NAA60: variants seen among roughly 807,000 people sequenced by gnomAD.
NAA60 encodes the protein N-alpha-acetyltransferase 60, NatF catalytic subunit.
A neutral mutation model predicts 26.1 loss-of-function variants in NAA60; 8 were observed. That is an observed-to-expected ratio of 0.31 (90% CI 0.18 to 0.55). NAA60 has a LOEUF of 0.55. NAA60 is among the 20% of genes least tolerant of loss of function. The pLI, the probability that NAA60 is intolerant of heterozygous loss-of-function variation, is 0.93. For synonymous variants in NAA60, 131 were observed against 122.5 expected (o/e 1.07, Z -0.46); for missense variants, 290 against 311.3 (o/e 0.93, Z 0.51).
At chr16:3,448,405 C>A in intron 1 of NAA60, 66 bp from the exon 2 acceptor site, 1 of 1,349,486 alleles carries the variant, frequency 7.4e-7, no homozygotes, top group Non-Finnish European at 1.0e-6. Context: ...CACTCATTAG[C>A]CTATGAGTTG....
chr16:3,454,546 T>C (rs2034901315), intron 2 of NAA60, among the ~76,000 whole-genome samples: 1 of 151,992 alleles, frequency 6.6e-6, no homozygotes, highest in Non-Finnish European at 1.5e-5. Flanking sequence ...ATCAGAAGTT[T>C]AATAGATAAA....
intron 2 of NAA60, among the ~76,000 whole-genome samples, chr16:3,474,221 G>T (rs1398777637): frequency 2.0e-5 from 3 of 152,210 alleles, no homozygotes; most frequent in Non-Finnish European, 4.4e-5. Context: ...AGTCAGAGCA[G>T]AGCTGCTCAG....
At chr16:3,451,979 G>A (rs1259446087) in intron 2 of NAA60, among the ~76,000 whole-genome samples, 9 of 151,158 alleles carry the variant, frequency 6.0e-5, no homozygotes, top group East Asian at 3.9e-4. Flanking sequence ...ACTTTGGGAG[G>A]TAAGGTGGTC....
chr16:3,454,948 CGAAT>C (rs2034918030), intron 2 of NAA60, among the ~76,000 whole-genome samples: 1 of 152,104 alleles, frequency 6.6e-6, no homozygotes, highest in Non-Finnish European at 1.5e-5. Context: ...GGTGCCTAAC[CGAAT>C]GAACCGTTGT....
intron 2 of NAA60, among the ~76,000 whole-genome samples, chr16:3,468,424 G>A (rs2035903375): frequency 6.6e-6 from 1 of 152,220 alleles, no homozygotes; most frequent in South Asian, 2.1e-4. Context: ...CTGCCTCACA[G>A]TGATGTTGAT....
At chr16:3,481,982 G>C (rs995304232) in intron 4 of NAA60, among the ~76,000 whole-genome samples, 5 of 152,174 alleles carry the variant, frequency 3.3e-5, no homozygotes, top group Non-Finnish European at 5.9e-5. Context: ...CTTTACGCAG[G>C]TGTGGCGGTG....
intron 3 of NAA60, 140 bp from the exon 4 acceptor site, chr16:3,479,331 A>C: frequency 1.3e-6 from 1 of 761,430 alleles, no homozygotes; most frequent in Non-Finnish European, 2.1e-6. Context: ...GTAGAGACTT[A>C]AGTGATGGGC....
At chr16:3,446,759 T>C (rs1265601946) in intron 1 of NAA60, among the ~76,000 whole-genome samples, 1 of 151,946 alleles carries the variant, frequency 6.6e-6, no homozygotes, top group African/African-American at 2.4e-5. Context: ...GATGGGCAGA[T>C]GCCACCACAA....
chr16:3,468,453 T>C (rs2035905398), intron 2 of NAA60, among the ~76,000 whole-genome samples: 2 of 152,226 alleles, frequency 1.3e-5, no homozygotes, highest in African/African-American at 4.8e-5. Context: ...TCAGCTTGGC[T>C]CTGCCAGTTC....
chr16:3,457,017 C>A (rs2035027941), intron 2 of NAA60: 1 of 151,990 alleles, frequency 6.6e-6, no homozygotes, highest in Non-Finnish European at 1.5e-5. Context: ...GTCTGGAACT[C>A]CTGACCTCAG....
At chr16:3,478,343 T>C (rs757360806) in intron 3 of NAA60, among the ~76,000 whole-genome samples, 26 of 152,240 alleles carry the variant, frequency 1.7e-4, no homozygotes, top group Non-Finnish European at 3.2e-4. Flanking sequence ...TGCCCAGGGT[T>C]GCCTGAGAGC....
chr16:3,471,479 G>A (rs1385562900), intron 2 of NAA60, among the ~76,000 whole-genome samples: 1 of 152,070 alleles, frequency 6.6e-6, no homozygotes, highest in Non-Finnish European at 1.5e-5. Context: ...CTCCAGCCTT[G>A]GGGGGCAGAG....
rs540467948 is a variant in NAA60, at chr16:3,469,911, C to T, written c.-6-6311C>T. Among the ~76,000 whole-genome samples the T allele has an allele frequency of 1.3e-4, 20 of 152,360 alleles. No homozygotes were observed. The South Asian group carries it at 4.1e-3, about 32-fold the overall frequency. ...TCAGGCACTGCATCATGCTGGGCCT[C>T]AGCTCCATACCTGCCGCGTGTCTGT... On this transcript the variant is annotated intron_variant, in intron 2 of 7. Coordinates refer to ENST00000407558, the MANE Select transcript of NAA60 (RefSeq NM_001083601.3).
intron 2 of NAA60, among the ~76,000 whole-genome samples, chr16:3,467,475 T>C (rs766869774): frequency 6.6e-6 from 1 of 152,132 alleles, no homozygotes; most frequent in Non-Finnish European, 1.5e-5. Context: ...TTGTTGGTCT[T>C]GAAGCAGTGC....
rs932486304 is a variant in NAA60, at chr16:3,458,049, C to T, written c.-7+9509C>T. The stretch of plus-strand genomic sequence containing the variant: ...GCGGAAGTGCCGCGGGCTGCCGCCT[C>T]CGTCCCGGCTGCGGCCCCTGCCGGT... On this transcript the variant is annotated intron_variant, in intron 2 of 7. Transcript: ENST00000407558. 7 of 985,276 alleles carry T rather than the reference C, an allele frequency of 7.1e-6. No individual in the cohort carries two copies. The African/African-American group carries it at 1.2e-4, about 17-fold the overall frequency. The allele number at this position is 985,276 out of a possible 1,614,324, so 61.0% of individuals were successfully genotyped here. A position where few individuals can be genotyped will look rare whatever the true frequency, so the allele number is the denominator to read the frequency against.
chr16:3,452,541 A>G (rs544147765), intron 2 of NAA60, among the ~76,000 whole-genome samples: 79 of 151,934 alleles, frequency 5.2e-4, no homozygotes, highest in Non-Finnish European at 8.7e-4. Context: ...CTGTAGTCCC[A>G]GCTACTCAGG....
chr16:3,459,056 G>A (rs40363), intron 2 of NAA60, among the ~76,000 whole-genome samples: 29,555 of 152,124 alleles, frequency 0.19, 2,864 homozygotes, highest in South Asian at 0.22. Flanking sequence ...TCCTTGAGGC[G>A]TACACTTTTG....
intron 6 of NAA60, 45 bp downstream of exon 6, chr16:3,483,642 T>C: frequency 1.3e-6 from 2 of 1,498,164 alleles, no homozygotes; most frequent in Non-Finnish European, 1.8e-6. Context: ...TTCCTGTCCA[T>C]AAGGTGGCAG....
chr16:3,460,038 G>GTA (rs923017551), intron 2 of NAA60, among the ~76,000 whole-genome samples: 9 of 152,168 alleles, frequency 5.9e-5, no homozygotes, highest in Admixed American at 2.6e-4. Context: ...GAGACGGGGT[G>GTA]TACCTGTTAG....
Sources: gnomAD v4.1 joint callset for allele counts (sites outside exome capture counted in the v4.1 genomes callset) on GRCh38, gnomAD v4.1.1 for gene constraint, MANE v1.5 for transcripts, NCBI Gene and HGNC (gene_info 2026-07-23, HGNC 2026-07-21) for gene names.